MAGI1: variants seen among roughly 807,000 people sequenced by gnomAD.
MAGI1 encodes membrane-associated guanylate kinase, WW and PDZ domain-containing protein 1.
Under a neutral mutation model 139.9 loss-of-function variants are expected in MAGI1, and 58 were observed. The observed-to-expected ratio is 0.41, with a 90% CI of 0.34 to 0.52. The LOEUF is 0.52. MAGI1 is among the 20% of genes least tolerant of loss of function. MAGI1 has a pLI of 0.12. For synonymous variants in MAGI1, 812 were observed against 737.9 expected (o/e 1.10, Z -1.63); for missense variants, 1,874 against 1,901.6 (o/e 0.99, Z 0.27).
intron 13 of MAGI1, among the ~76,000 whole-genome samples, chr3:65,395,357 G>C (rs1238339793): frequency 6.6e-6 from 1 of 151,814 alleles, no homozygotes; most frequent in Non-Finnish European, 1.5e-5. Flanking sequence ...AACAGAAAGA[G>C]AAGGCTGGGC....
intron 2 of MAGI1, among the ~76,000 whole-genome samples, chr3:65,509,318 G>C (rs186559366): frequency 7.2e-5 from 11 of 152,356 alleles, no homozygotes; most frequent in African/African-American, 2.6e-4. Flanking sequence ...TGGCCGAATA[G>C]GAACAGCTCC....
chr3:65,543,761 G>GC (rs1408253407), intron 2 of MAGI1, among the ~76,000 whole-genome samples: 2 of 151,852 alleles, frequency 1.3e-5, no homozygotes, highest in Non-Finnish European at 2.9e-5. Flanking sequence ...GGGATGGGGG[G>GC]GGGTACAAGA....
intron 1 of MAGI1, among the ~76,000 whole-genome samples, chr3:65,844,717 T>G (rs1001175957): frequency 6.6e-6 from 1 of 152,108 alleles, no homozygotes; most frequent in African/African-American, 2.4e-5. Flanking sequence ...GAAAACCCAA[T>G]TCATGCAAGA....
chr3:65,601,593 G>A (rs556682559), intron 2 of MAGI1, among the ~76,000 whole-genome samples: 1 of 151,972 alleles, frequency 6.6e-6, no homozygotes, highest in African/African-American at 2.4e-5. Flanking sequence ...AAAGAATGAA[G>A]TTGGACCCCC....
At chr3:65,672,386 C>A (rs1576673718) in intron 1 of MAGI1, among the ~76,000 whole-genome samples, 1 of 152,270 alleles carries the variant, frequency 6.6e-6, no homozygotes, top group East Asian at 1.9e-4. Flanking sequence ...AAAGGAGAAA[C>A]TGCTGATGAT....
chr3:65,528,157 T>A (rs2078477107), intron 2 of MAGI1, among the ~76,000 whole-genome samples: 1 of 152,168 alleles, frequency 6.6e-6, no homozygotes, highest in Non-Finnish European at 1.5e-5. Context: ...TGAAACACCT[T>A]GAAAAAGGTG....
chr3:66,002,126 C>T (rs1206565187), intron 1 of MAGI1, among the ~76,000 whole-genome samples: 1 of 152,090 alleles, frequency 6.6e-6, no homozygotes, highest in Non-Finnish European at 1.5e-5. Flanking sequence ...AATAAAGGGG[C>T]CTGCATTAGT....
intron 12 of MAGI1, among the ~76,000 whole-genome samples, chr3:65,419,429 C>A (rs1028869912): frequency 3.9e-5 from 6 of 152,098 alleles, no homozygotes. Context: ...CTGGGTGTAG[C>A]CCAATACATT....
chr3:65,702,048 C>A (rs190955103), intron 1 of MAGI1, among the ~76,000 whole-genome samples: 4 of 151,932 alleles, frequency 2.6e-5, no homozygotes, highest in Admixed American at 6.6e-5. Context: ...AAATCTACCC[C>A]CTTGGCTCAG....
At chr3:65,992,176 G>A (rs544666967) in intron 1 of MAGI1, among the ~76,000 whole-genome samples, 8 of 152,286 alleles carry the variant, frequency 5.3e-5, no homozygotes, top group Admixed American at 2.0e-4. Flanking sequence ...AGTTGTAGGA[G>A]AATCAGATGA....
intron 5 of MAGI1, among the ~76,000 whole-genome samples, chr3:65,462,333 A>C (rs969924583): frequency 6.6e-6 from 1 of 152,232 alleles, no homozygotes; most frequent in South Asian, 2.1e-4. Flanking sequence ...AGTTTTCTGC[A>C]TATGGCTAGC....
At chr3:65,692,651 T>C (rs2107571235) in intron 1 of MAGI1, among the ~76,000 whole-genome samples, 1 of 152,266 alleles carries the variant, frequency 6.6e-6, no homozygotes, top group South Asian at 2.1e-4. Flanking sequence ...AGTGCAACTG[T>C]GTTGAAAGGT....
intron 1 of MAGI1, among the ~76,000 whole-genome samples, chr3:65,634,650 T>C (rs768752604): frequency 2.1e-4 from 32 of 152,162 alleles, no homozygotes; most frequent in Non-Finnish European, 2.9e-4. Flanking sequence ...GTATAACACA[T>C]AGTAAGTGTG....
At chr3:65,748,975 G>A (rs1401344907) in intron 1 of MAGI1, among the ~76,000 whole-genome samples, 1 of 152,198 alleles carries the variant, frequency 6.6e-6, no homozygotes, top group Non-Finnish European at 1.5e-5. Context: ...TGGTGATCCA[G>A]ATGGTATCCT....
At chr3:65,906,716 T>C (rs1486792187) in intron 1 of MAGI1, among the ~76,000 whole-genome samples, 2 of 151,868 alleles carry the variant, frequency 1.3e-5, no homozygotes, top group East Asian at 1.9e-4. Flanking sequence ...TGAAACCCCA[T>C]CTCTACTAAA....
chr3:65,686,592 T>C (rs1046499724), intron 1 of MAGI1, among the ~76,000 whole-genome samples: 4 of 152,120 alleles, frequency 2.6e-5, no homozygotes, highest in Non-Finnish European at 4.4e-5. Flanking sequence ...CACCCAGCCC[T>C]GTAGGGTTGT....
intron 1 of MAGI1, among the ~76,000 whole-genome samples, chr3:65,692,110 T>A (rs956019441): frequency 2.0e-5 from 3 of 152,084 alleles, no homozygotes; most frequent in African/African-American, 4.8e-5. Context: ...AGACCTTTTT[T>A]TAAAAAAAAA....
chr3:65,401,376 ACCTC>A, intron 13 of MAGI1, 59 bp downstream of exon 13: 2 of 406,690 alleles, frequency 4.9e-6, no homozygotes, highest in Non-Finnish European at 8.9e-6. Flanking sequence ...GTACCCTCCC[ACCTC>A]CAGCCCCCCA....
At chr3:65,616,655 A>C (rs2083386265) in intron 2 of MAGI1, among the ~76,000 whole-genome samples, 1 of 152,196 alleles carries the variant, frequency 6.6e-6, no homozygotes, top group Non-Finnish European at 1.5e-5. Context: ...GGACAAGGGC[A>C]GAGAAACAGC....
Sources: allele counts gnomAD v4.1 joint callset (sites outside exome capture counted in the v4.1 genomes callset), GRCh38; gene constraint gnomAD v4.1.1; transcripts MANE v1.5; gene names NCBI Gene and HGNC (gene_info 2026-07-23, HGNC 2026-07-21).